FUT8: variants seen among roughly 807,000 people sequenced by gnomAD.
FUT8 encodes the protein fucosyltransferase 8, also known as alpha-(1,6)-fucosyltransferase.
Under a neutral mutation model 71.3 loss-of-function variants are expected in FUT8, and 29 were observed. That is an observed-to-expected ratio of 0.41 (90% CI 0.30 to 0.55). The LOEUF is 0.55. FUT8 is among the 20% of genes least tolerant of loss of function. The probability of loss-of-function intolerance (pLI) is 0.34; values close to 1 mark genes in which losing one functional copy is unlikely to be tolerated. For synonymous variants in FUT8, 254 were observed against 239.3 expected, an observed-to-expected ratio of 1.06 and a Z score of -0.57; for missense variants, 544 against 702.1, an observed-to-expected ratio of 0.77 and a Z score of 2.55.
chr14:65,364,057 A>C, the FUT8 span, among the ~76,000 whole-genome samples: 1 of 152,168 alleles, frequency 6.6e-6, no homozygotes, highest in African/African-American at 2.4e-5. Context: ...TGGTTCTCCT[A>C]CTATTGTAAA....
At chr14:65,363,077 G>A in the FUT8 span, among the ~76,000 whole-genome samples, 1 of 150,528 alleles carries the variant, frequency 6.6e-6, no homozygotes, top group African/African-American at 2.4e-5. Context: ...TTAGCATATT[G>A]GATATTTTAA....
chr14:65,728,705 T>C (rs1432510719), intron 9 of FUT8, among the ~76,000 whole-genome samples: 1 of 152,210 alleles, frequency 6.6e-6, no homozygotes, highest in African/African-American at 2.4e-5. Context: ...TAGTTACCAT[T>C]GTGTTACAAC....
intron 6 of FUT8, among the ~76,000 whole-genome samples, chr14:65,666,318 T>C (rs1317609839): frequency 6.6e-6 from 1 of 152,024 alleles, no homozygotes; most frequent in African/African-American, 2.4e-5. Context: ...TTTTTGGTAC[T>C]TGTCACCTGT....
At chr14:65,624,221 T>A (rs1018797123) in intron 5 of FUT8, among the ~76,000 whole-genome samples, 1 of 151,946 alleles carries the variant, frequency 6.6e-6, no homozygotes, top group African/African-American at 2.4e-5. Flanking sequence ...TTTTAGTGGA[T>A]CATGAAGTTA....
intron 3 of FUT8, among the ~76,000 whole-genome samples, chr14:65,567,031 A>T (rs1248539527): frequency 6.6e-6 from 1 of 151,996 alleles, no homozygotes; most frequent in African/African-American, 2.4e-5. Flanking sequence ...TGTCAATCTC[A>T]TGGAGTTGTA....
chr14:65,399,292 G>A, the FUT8 span, among the ~76,000 whole-genome samples: 2 of 152,314 alleles, frequency 1.3e-5, no homozygotes, highest in South Asian at 4.1e-4. Flanking sequence ...ACTCCAGCTA[G>A]GGCGATAGAG....
chr14:65,597,050 G>A (rs759153695), intron 3 of FUT8, among the ~76,000 whole-genome samples: 30 of 152,116 alleles, frequency 2.0e-4, no homozygotes, highest in African/African-American at 7.2e-4. Context: ...AGCCCCTACT[G>A]TTTTGGAACA....
At chr14:65,425,335 T>A (rs2065367604) in intron 1 of FUT8, among the ~76,000 whole-genome samples, 1 of 151,806 alleles carries the variant, frequency 6.6e-6, no homozygotes, top group Non-Finnish European at 1.5e-5. Flanking sequence ...CCAGCTAATT[T>A]TTTTGTATTT....
intron 6 of FUT8, among the ~76,000 whole-genome samples, chr14:65,646,779 G>T (rs1186420438): frequency 6.6e-6 from 1 of 151,946 alleles, no homozygotes; most frequent in Non-Finnish European, 1.5e-5. Flanking sequence ...CTAACATCAA[G>T]TAAGTTGTAG....
intron 10 of FUT8, among the ~76,000 whole-genome samples, chr14:65,736,417 A>G (rs941713241): frequency 2.6e-5 from 4 of 151,532 alleles, no homozygotes; most frequent in Non-Finnish European, 5.9e-5. Flanking sequence ...CAAGGCCTCC[A>G]TTAGCTCTGC....
chr14:65,456,771 G>A (rs140103771), intron 2 of FUT8, among the ~76,000 whole-genome samples: 3,671 of 151,612 alleles, frequency 0.024, 140 homozygotes, highest in African/African-American at 0.084. Context: ...TATTTGGGAG[G>A]CCGAGGTAGG....
chr14:65,487,234 T>A (rs1402811190), intron 2 of FUT8, among the ~76,000 whole-genome samples: 1 of 152,108 alleles, frequency 6.6e-6, no homozygotes, highest in African/African-American at 2.4e-5. Flanking sequence ...GAATTGATCA[T>A]GTACATTAGC....
intron 7 of FUT8, among the ~76,000 whole-genome samples, chr14:65,683,945 A>G (rs1290928823): frequency 6.6e-6 from 1 of 151,910 alleles, no homozygotes; most frequent in Admixed American, 6.6e-5. Flanking sequence ...TCCCTATTCT[A>G]TTGTGGATAT....
chr14:65,545,158 T>C (rs180852617), intron 2 of FUT8, among the ~76,000 whole-genome samples: 15 of 152,096 alleles, frequency 9.9e-5, no homozygotes, highest in Non-Finnish European at 1.5e-4. Flanking sequence ...CCTTTCTACT[T>C]CTTTCTTACA....
chr14:65,540,975 A>G (rs1454313621), intron 2 of FUT8, among the ~76,000 whole-genome samples: 1 of 152,204 alleles, frequency 6.6e-6, no homozygotes, highest in Non-Finnish European at 1.5e-5. Context: ...GGCGGCACAG[A>G]TCACTCTGGT....
At chr14:65,570,976 A>G (rs148516178) in intron 3 of FUT8, among the ~76,000 whole-genome samples, 2 of 152,112 alleles carry the variant, frequency 1.3e-5, no homozygotes, top group East Asian at 3.9e-4. Flanking sequence ...GCTGTAACCA[A>G]TCTAGTTGTT....
chr14:65,463,513 C>T (rs946229107), intron 2 of FUT8, among the ~76,000 whole-genome samples: 1 of 152,174 alleles, frequency 6.6e-6, no homozygotes, highest in African/African-American at 2.4e-5. Flanking sequence ...AGCAGTTCCC[C>T]ACCTCAGCCT....
At chr14:65,370,636 TTGTC>T in the FUT8 span, among the ~76,000 whole-genome samples, 4 of 150,398 alleles carry the variant, frequency 2.7e-5, no homozygotes, top group Middle Eastern at 3.5e-3. Context: ...TAGGTACAAT[TTGTC>T]TATATATAAA....
At chr14:65,631,737 A>G (rs966264458) in intron 6 of FUT8, among the ~76,000 whole-genome samples, 1 of 152,050 alleles carries the variant, frequency 6.6e-6, no homozygotes, top group Admixed American at 6.6e-5. Flanking sequence ...TTGTTGGAGT[A>G]CAGGTGGTAT....
Sources: allele counts gnomAD v4.1 joint callset (sites outside exome capture counted in the v4.1 genomes callset), GRCh38; gene constraint gnomAD v4.1.1; transcripts MANE v1.5; gene names NCBI Gene and HGNC (gene_info 2026-07-23, HGNC 2026-07-21).